The following IQGAP3 variants were observed in gnomAD, a reference collection of about 807,000 sequenced individuals.
IQGAP3 encodes the protein IQ motif containing GTPase activating protein 3.
IQGAP3 carries 165 observed loss-of-function variants against 208.2 expected under a neutral mutation model. The ratio of observed to expected loss-of-function variants is 0.79; its 90% confidence interval spans 0.70 to 0.90. The LOEUF (loss-of-function observed/expected upper bound fraction) is 0.90. IQGAP3 is among the 40% of genes least tolerant of loss of function. The pLI, the probability that IQGAP3 is intolerant of heterozygous loss-of-function variation, is 0.00. For synonymous variants in IQGAP3, 703 were observed against 803.6 expected (o/e 0.87, Z 2.12); for missense variants, 1,811 against 2,043.1 (o/e 0.89, Z 2.19).
intron 13 of IQGAP3, among the ~76,000 whole-genome samples, chr1:156,553,844 G>C (rs746814565): frequency 7.9e-5 from 12 of 152,178 alleles, no homozygotes; most frequent in Non-Finnish European, 1.5e-4. Flanking sequence ...GCCTCCCAAA[G>C]TGCTGGGATT....
At chr1:156,538,581 C>T (rs144752266) in intron 26 of IQGAP3, among the ~76,000 whole-genome samples, 1 of 152,210 alleles carries the variant, frequency 6.6e-6, no homozygotes, top group Non-Finnish European at 1.5e-5. Flanking sequence ...TTATGTTAAG[C>T]CCACCAGGTC....
chr1:156,538,738 T>A, intron 26 of IQGAP3, 71 bp downstream of exon 26: 1 of 1,333,694 alleles, frequency 7.5e-7, no homozygotes, highest in Non-Finnish European at 1.1e-6. Context: ...GCTTCCCCAG[T>A]AGGGTCCAAG....
chr1:156,531,214 G>A lies in IQGAP3; in HGVS notation c.4137C>T (p.Phe1379=), dbSNP rs1674380601. The part of the protein sequence containing the change: ...TKQLLADIIQ[F]HPGDTLKEIL... ...TCTCCTTGAGGGTGTCCCCAGGATG[G>A]AACTGTATGATATCGGCCAACAGCT... is the stretch of plus-strand genomic sequence containing the variant. Residue 1379 remains phenylalanine, a synonymous_variant, in exon 33 of 38, where the codon TTC becomes TTT. Transcript: ENST00000361170. The A allele has an allele frequency of 6.2e-7, 1 of 1,613,912 alleles. No homozygotes were observed. The highest frequency in any genetic ancestry group is 8.5e-7 in the Non-Finnish European group (1 of 1,179,888).
intron 10 of IQGAP3, among the ~76,000 whole-genome samples, chr1:156,561,456 A>G (rs1320186615): frequency 9.2e-5 from 1 of 10,928 alleles, no homozygotes; most frequent in Non-Finnish European, 5.6e-3. Flanking sequence ...CGTGAGCCAC[A>G]GTGCCCAGCC....
intron 16 of IQGAP3, 21 bp from the exon 17 acceptor site, chr1:156,548,769 G>A: frequency 2.0e-6 from 3 of 1,537,856 alleles, no homozygotes; most frequent in South Asian, 1.3e-5. Context: ...CATCAGGAGA[G>A]AGCAGTCAAT....
At position 156,544,119 on chromosome 1, in the gene IQGAP3, G is replaced by A. The variant is rs748466259; in HGVS notation, c.2460+33C>T. The A allele has an allele frequency of 2.9e-5, 47 of 1,613,212 alleles. No individual in the cohort carries two copies. In the East Asian group the frequency reaches 3.1e-4, roughly 11 times the overall value. ...CTCTAGTCTCATGGGCAAAGGTTGGGTATGTGGGCAGGGGGAACAAGGTGA... is the reference window on the plus strand; with the variant it reads ...CTCTAGTCTCATGGGCAAAGGTTGGATATGTGGGCAGGGGGAACAAGGTGA... On this transcript the variant is annotated intron_variant, in intron 21 of 37. Transcript: ENST00000361170.
rs1674726211 is a variant in IQGAP3, at chr1:156,537,168, C to T, written c.3422+13G>A. 2 of 1,610,680 alleles carry T rather than the reference C, an allele frequency of 1.2e-6. No individual in the cohort carries two copies. Among genetic ancestry groups the T allele is most frequent in the East Asian group, 4.5e-5 (2 of 44,838 alleles). ...ATCCCATGCGTAGGCTGGGGTGGGG[C>T]TGTTGCACATACGGAATTTGGTCCA... On this transcript the variant is annotated intron_variant, in intron 27 of 37. Coordinates refer to ENST00000361170, the MANE Select transcript of IQGAP3 (RefSeq NM_178229.5).
intron 19 of IQGAP3, among the ~76,000 whole-genome samples, chr1:156,547,414 C>CACAG (rs1675309531): frequency 6.6e-6 from 1 of 151,678 alleles, no homozygotes; most frequent in South Asian, 2.1e-4. Flanking sequence ...CACACACACA[C>CACAG]ACACACACAC....
In IQGAP3 at chr1:156,531,099, G is replaced by A. The variant is rs115705260; in HGVS notation, c.4191+61C>T. 4.2e-3 allele frequency: 4,886 copies of A among 1,149,960 alleles called. 131 individuals carry two copies. In the African/African-American group the frequency reaches 0.065, roughly 15 times the overall value. 71.2% of individuals were successfully genotyped at this position (1,149,960 alleles called of 1,614,324 possible). A position where few individuals can be genotyped will look rare whatever the true frequency, so the allele number is the denominator to read the frequency against. The stretch of plus-strand genomic sequence containing the variant: ...TTCAGAGGAGGGAAACAGCAGCGGT[G>A]CAGGTGGGATGAGGTGGGGGATGAA... On this transcript the variant is annotated intron_variant, in intron 33 of 37. Coordinates refer to ENST00000361170, the MANE Select transcript of IQGAP3 (RefSeq NM_178229.5).
intron 37 of IQGAP3, among the ~76,000 whole-genome samples, chr1:156,527,567 C>CTATG (rs1674161598): frequency 6.6e-6 from 1 of 152,198 alleles, no homozygotes; most frequent in Admixed American, 6.5e-5. Flanking sequence ...GAACACTGGC[C>CTATG]TATGACTTAG....
At chr1:156,553,580 C>CTTTTTTT (rs11316423) in intron 13 of IQGAP3, among the ~76,000 whole-genome samples, 3 of 88,010 alleles carry the variant, frequency 3.4e-5, no homozygotes, top group Non-Finnish European at 5.0e-5. Context: ...TTCTTTCTTT[C>CTTTTTTT]TTTTTTTTTT....
At chr1:156,554,498 C>T (rs528921038) in intron 12 of IQGAP3, 106 bp from the exon 13 acceptor site, 1 of 1,122,182 alleles carries the variant, frequency 8.9e-7, no homozygotes, top group Admixed American at 3.3e-5. Context: ...GTCTCTATCC[C>T]AAAACCCCAG....
chr1:156,534,695 TG>T lies in IQGAP3; in HGVS notation c.3545del (p.Pro1182GlnfsTer54). The part of the protein sequence containing the change: ...GNLLYYRFLN[P>X]AVVAPDAFDI... ...CGAAGGCGTCAGGAGCCACCACAGC[TG>T]GGTTCAGGAAGCGGTAGTACAGGAG... On this transcript the variant is annotated frameshift_variant, in exon 29 of 38. Coordinates refer to ENST00000361170, the MANE Select transcript of IQGAP3 (RefSeq NM_178229.5). LOFTEE classifies it high-confidence loss of function. 1.9e-6 allele frequency: 3 copies of T among 1,607,140 alleles called. No homozygotes were observed. Among genetic ancestry groups the T allele is most frequent in the Non-Finnish European group, 2.5e-6 (3 of 1,177,570 alleles).
chr1:156,539,188 T>A (rs959927120), intron 25 of IQGAP3, 155 bp from the exon 26 acceptor site: 1 of 817,806 alleles, frequency 1.2e-6, no homozygotes, highest in East Asian at 2.7e-5. Context: ...TGTTAGCATG[T>A]CAGCCCATAT....
chr1:156,543,570 G>A (rs560484750), intron 22 of IQGAP3, among the ~76,000 whole-genome samples: 8 of 152,300 alleles, frequency 5.3e-5, no homozygotes, highest in African/African-American at 1.9e-4. Flanking sequence ...GCAGGAAGAT[G>A]GCACTCCCTT....
At chr1:156,567,252 A>G (rs996257522) in intron 2 of IQGAP3, among the ~76,000 whole-genome samples, 9 of 152,202 alleles carry the variant, frequency 5.9e-5, no homozygotes, top group African/African-American at 1.9e-4. Flanking sequence ...GGGTGCAGAA[A>G]GGTCATGTCT....
chr1:156,536,601 T>A (rs1674697943), intron 27 of IQGAP3, among the ~76,000 whole-genome samples: 1 of 152,224 alleles, frequency 6.6e-6, no homozygotes, highest in South Asian at 2.1e-4. Context: ...ATGTGTTGTA[T>A]ATCTCAAAAT....
chr1:156,556,456 G>A, intron 12 of IQGAP3, 77 bp downstream of exon 12: 1 of 1,432,686 alleles, frequency 7.0e-7, no homozygotes, highest in South Asian at 1.2e-5. Flanking sequence ...CTCACAAGAG[G>A]GTGGCCTGGG....
Position 156,544,472 on chromosome 1 carries a change from C to T in IQGAP3, c.2305G>A (p.Ala769Thr), listed in dbSNP as rs1440968309. The change falls in exon 20 of 38, where the codon GCT (alanine) becomes ACT (threonine). Residue 769 changes from alanine to threonine, a missense_variant and splice_region_variant. Ala to Thr is a moderately conservative substitution (Grantham distance 58). Transcript: ENST00000361170. Reference sequence around the variant, plus strand: ...CGCTGCCTATAACCCCGCCAATGAGCCTGCACATCAGGAGAGAAAGGGAAG... The same window carrying T: ...CGCTGCCTATAACCCCGCCAATGAGTCTGCACATCAGGAGAGAAAGGGAAG... ...TWLPAVIKIQ[A>T]HWRGYRQRKI... is the part of the protein sequence containing the mutation. 1.9e-6 allele frequency: 3 copies of T among 1,613,332 alleles called. No homozygotes were observed. The highest frequency in any genetic ancestry group is 2.5e-6 in the Non-Finnish European group (3 of 1,179,406).
Sources: allele counts gnomAD v4.1 joint callset (sites outside exome capture counted in the v4.1 genomes callset), GRCh38; gene constraint gnomAD v4.1.1; transcripts MANE v1.5; gene names NCBI Gene and HGNC (gene_info 2026-07-23, HGNC 2026-07-21).